The following CHRNA7 variants were observed in gnomAD, a reference collection of about 807,000 sequenced individuals.
CHRNA7 encodes the protein cholinergic receptor nicotinic alpha 7 subunit.
Under a neutral mutation model 48.0 loss-of-function variants are expected in CHRNA7, and 17 were observed. The ratio of observed to expected loss-of-function variants is 0.35; its 90% CI spans 0.24 to 0.53. CHRNA7 has a LOEUF of 0.53. CHRNA7 is among the 20% of genes least tolerant of loss of function. The probability of loss-of-function intolerance (pLI) is 0.92; values close to 1 mark genes in which losing one functional copy is unlikely to be tolerated. For synonymous variants in CHRNA7, 75 were observed against 242.3 expected (o/e 0.31, Z 6.41); for missense variants, 155 against 577.7 (o/e 0.27, Z 7.50).
chr15:32,125,410 CCTGCAG>C (rs2051049046), intron 4 of CHRNA7, among the ~76,000 whole-genome samples: 1 of 152,308 alleles, frequency 6.6e-6, no homozygotes, highest in Non-Finnish European at 1.5e-5. Flanking sequence ...CTCTCCTTCC[CCTGCAG>C]CTGGGCCATG....
intron 2 of CHRNA7, among the ~76,000 whole-genome samples, chr15:32,046,429 G>A (rs1260083592): frequency 6.8e-6 from 1 of 147,806 alleles, no homozygotes; most frequent in African/African-American, 2.6e-5. Context: ...GTGATGATGA[G>A]CCTTTTTTCA....
chr15:32,129,258 T>G (rs1336809449), intron 4 of CHRNA7, among the ~76,000 whole-genome samples: 2 of 151,962 alleles, frequency 1.3e-5, no homozygotes, highest in African/African-American at 4.8e-5. Context: ...TGTCTAGTTT[T>G]GGTTATGAGG....
intron 2 of CHRNA7, among the ~76,000 whole-genome samples, chr15:32,056,016 A>C (rs887727835): frequency 6.6e-6 from 1 of 151,858 alleles, no homozygotes; most frequent in African/African-American, 2.4e-5. Context: ...TTGCAGTTAT[A>C]TGTTTTGCAG....
intron 2 of CHRNA7, among the ~76,000 whole-genome samples, chr15:32,097,084 C>T (rs1311273437): frequency 3.9e-5 from 6 of 152,084 alleles, no homozygotes; most frequent in African/African-American, 1.4e-4. Context: ...CCTCCTCTTC[C>T]CACCTGCTGT....
chr15:32,120,376 C>T (rs1176165367), intron 4 of CHRNA7, among the ~76,000 whole-genome samples: 21 of 152,162 alleles, frequency 1.4e-4, no homozygotes, highest in Admixed American at 1.3e-3. Flanking sequence ...CCTTCCACTT[C>T]CTAAAAAGAG....
intron 4 of CHRNA7, among the ~76,000 whole-genome samples, chr15:32,113,334 T>G (rs2050795038): frequency 6.6e-6 from 1 of 152,164 alleles, no homozygotes; most frequent in African/African-American, 2.4e-5. Context: ...CTCATGACCC[T>G]CTTTTACTTT....
At chr15:32,151,007 C>T (rs1315301260) in intron 4 of CHRNA7, among the ~76,000 whole-genome samples, 1 of 152,004 alleles carries the variant, frequency 6.6e-6, no homozygotes, top group Non-Finnish European at 1.5e-5. Context: ...TCTCTCCTTT[C>T]TCTCAGTCTC....
At chr15:32,148,803 C>T (rs867733723) in intron 4 of CHRNA7, among the ~76,000 whole-genome samples, 1 of 152,366 alleles carries the variant, frequency 6.6e-6, no homozygotes, top group Non-Finnish European at 1.5e-5. Context: ...GCCAGACCTT[C>T]CTGGAGCCTC....
intron 4 of CHRNA7, among the ~76,000 whole-genome samples, chr15:32,124,393 T>C (rs2051029604): frequency 6.6e-6 from 1 of 152,180 alleles, no homozygotes; most frequent in South Asian, 2.1e-4. Flanking sequence ...CAGTCAATGC[T>C]GATGAAAGTC....
chr15:32,069,510 A>C (rs2141215956), intron 2 of CHRNA7, among the ~76,000 whole-genome samples: 1 of 151,972 alleles, frequency 6.6e-6, no homozygotes, highest in South Asian at 2.1e-4. Flanking sequence ...AGCTGGGTGC[A>C]GTAGTGAATG....
intron 4 of CHRNA7, among the ~76,000 whole-genome samples, chr15:32,116,865 T>C (rs12915265): frequency 0.16 from 24,772 of 152,282 alleles, 2,389 homozygotes; most frequent in Middle Eastern, 0.25. Context: ...TCCATTTTCA[T>C]TGAGTGTGCA....
chr15:32,030,555 A>G lies in CHRNA7; in HGVS notation c.-40A>G, dbSNP rs1310202050. 3 of 1,453,418 alleles carry G rather than the reference A, an allele frequency of 2.1e-6. 1 individual carries two copies. In the South Asian group the frequency reaches 4.1e-5, roughly 20 times the overall value. 90.0% of individuals were successfully genotyped at this position (1,453,418 alleles called of 1,614,324 possible). A position where few individuals can be genotyped will look rare whatever the true frequency, so the allele number is the denominator to read the frequency against. ...GGCGCAGGCCCGGGCGACAGCCGAG[A>G]CGTGGAGCGCGCCGGCTCGCTGCAG... is the stretch of plus-strand genomic sequence containing the variant. On this transcript the variant is annotated 5_prime_UTR_variant, in exon 1 of 10. Transcript: ENST00000306901.
Position 32,063,175 on chromosome 15 carries a change from G to A in CHRNA7, c.195+32138G>A, listed in dbSNP as rs547030788. On this transcript the variant is annotated intron_variant, in intron 2 of 9. Transcript: ENST00000306901. ...GAGTAGTGAGTAAATGTGACGGCCT[G>A]GGACATTACTGTGTGCTACTGTAGA... 5.3e-5 allele frequency among the ~76,000 whole-genome samples: 8 copies of A among 152,120 alleles called. No homozygotes were observed. The South Asian group carries it at 1.7e-3, about 32-fold the overall frequency.
chr15:32,117,431 A>G (rs2050892047), intron 4 of CHRNA7, among the ~76,000 whole-genome samples: 1 of 152,066 alleles, frequency 6.6e-6, no homozygotes, highest in African/African-American at 2.4e-5. Context: ...GCACAGGAGG[A>G]TGATTGTCGA....
rs534774400 is a variant in CHRNA7 at position 32,060,355 on chromosome 15, C to T, written c.195+29318C>T. On this transcript the variant is annotated intron_variant, in intron 2 of 9. Coordinates refer to ENST00000306901, the MANE Select transcript of CHRNA7 (RefSeq NM_000746.6). ...ATACATACCTGTGTGTGTGTGTGCA[C>T]GCGCACACACGCACGCATATGGACT... Among the ~76,000 whole-genome samples, 15 of 151,408 alleles carry T rather than the reference C, an allele frequency of 9.9e-5. No homozygotes were observed. In the East Asian group the frequency reaches 1.4e-3, roughly 14 times the overall value.
intron 2 of CHRNA7, among the ~76,000 whole-genome samples, chr15:32,055,871 C>T (rs1762096763): frequency 6.6e-6 from 1 of 151,944 alleles, no homozygotes; most frequent in Non-Finnish European, 1.5e-5. Flanking sequence ...CCCAGCTGCT[C>T]AGGAGGCTGA....
intron 4 of CHRNA7, among the ~76,000 whole-genome samples, chr15:32,116,255 G>C (rs1223257360): frequency 2.6e-5 from 4 of 152,190 alleles, no homozygotes; most frequent in Non-Finnish European, 5.9e-5. Flanking sequence ...ATTCTCGTTT[G>C]ATATTGGAGT....
chr15:32,125,538 C>T (rs1156616577), intron 4 of CHRNA7, among the ~76,000 whole-genome samples: 1 of 98,954 alleles, frequency 1.0e-5, no homozygotes. Flanking sequence ...CCGCTGCAGT[C>T]TTCTGGGGTC....
chr15:32,073,921 G>A (rs909329535), intron 2 of CHRNA7, among the ~76,000 whole-genome samples: 3 of 151,974 alleles, frequency 2.0e-5, no homozygotes, highest in African/African-American at 7.3e-5. Context: ...CCAGTCTCAG[G>A]TATTCCTTTT....
Sources: gnomAD v4.1 joint callset for allele counts (sites outside exome capture counted in the v4.1 genomes callset) on GRCh38, gnomAD v4.1.1 for gene constraint, MANE v1.5 for transcripts, NCBI Gene and HGNC (gene_info 2026-07-23, HGNC 2026-07-21) for gene names.